Variants in CPNE4 observed in about 807,000 individuals in gnomAD.
The protein encoded by CPNE4 is copine-4.
A neutral mutation model predicts 67.9 loss-of-function variants in CPNE4; 25 were observed. That is an observed-to-expected ratio of 0.37 (90% CI 0.27 to 0.51). The LOEUF (loss-of-function observed/expected upper bound fraction) is 0.51, where lower values mean the gene tolerates loss of function less well. CPNE4 is among the 20% of genes least tolerant of loss of function. The pLI, the probability that CPNE4 is intolerant of heterozygous loss-of-function variation, is 0.93. For missense variants in CPNE4, 464 were observed against 690.8 expected (o/e 0.67, Z 3.68); for synonymous variants, 242 against 244.9 (o/e 0.99, Z 0.11).
chr3:131,698,635 G>T (rs1447627666), intron 4 of CPNE4, among the ~76,000 whole-genome samples: 6 of 150,888 alleles, frequency 4.0e-5, no homozygotes, highest in Non-Finnish European at 5.9e-5. Flanking sequence ...ATCAGGGCAG[G>T]GTGCAGTGGC....
chr3:131,952,452 A>G (rs867180629), intron 1 of CPNE4, among the ~76,000 whole-genome samples: 5 of 129,634 alleles, frequency 3.9e-5, no homozygotes, highest in East Asian at 2.6e-4. Flanking sequence ...CCCAGCAGCC[A>G]CCCCGTCCGG....
chr3:131,686,078 G>T, intron 5 of CPNE4, 120 bp from the exon 6 acceptor site: 1 of 626,196 alleles, frequency 1.6e-6, no homozygotes. Context: ...ATATGTGGAA[G>T]GGAGGCCATG....
intron 1 of CPNE4, among the ~76,000 whole-genome samples, chr3:131,934,111 G>A (rs2071150098): frequency 6.6e-6 from 1 of 152,156 alleles, no homozygotes; most frequent in South Asian, 2.1e-4. Context: ...AGGGTACAGA[G>A]ATGGAAATCA....
intron 2 of CPNE4, among the ~76,000 whole-genome samples, chr3:131,757,881 G>A (rs186637727): frequency 0.01 from 1,552 of 152,284 alleles, 9 homozygotes; most frequent in Non-Finnish European, 0.016. Context: ...GGCTTCAGAG[G>A]GTGGAAGCCC....
At chr3:131,579,241 G>GATGGCATCAC (rs1156832100) in intron 9 of CPNE4, among the ~76,000 whole-genome samples, 1 of 152,160 alleles carries the variant, frequency 6.6e-6, no homozygotes, top group Non-Finnish European at 1.5e-5. Flanking sequence ...GCAAAGCCTG[G>GATGGCATCAC]ATGGCATCAC....
chr3:131,723,706 T>C lies in CPNE4; in HGVS notation c.181-81A>G, dbSNP rs2081940228. The C allele has an allele frequency of 1.1e-5, 14 of 1,250,100 alleles. No homozygotes were observed. The South Asian group carries it at 2.0e-4, about 18-fold the overall frequency. 77.4% of individuals were successfully genotyped at this position (1,250,100 alleles called of 1,614,324 possible). ...TTCAAGAAAATTCATCTCAGAGCAC[T>C]TCCCTTCTTCCCAACCATAAATGCT... On this transcript the variant is annotated intron_variant, in intron 2 of 15. Transcript: ENST00000429747.
chr3:131,575,375 G>A (rs960594889), intron 9 of CPNE4, among the ~76,000 whole-genome samples: 2 of 152,136 alleles, frequency 1.3e-5, no homozygotes, highest in African/African-American at 4.8e-5. Flanking sequence ...TATGGTTTAT[G>A]CAAATTTTAA....
chr3:131,980,499 C>T (rs1221618517), intron 1 of CPNE4, among the ~76,000 whole-genome samples: 1 of 151,982 alleles, frequency 6.6e-6, no homozygotes, highest in African/African-American at 2.4e-5. Context: ...CTGAGACTTT[C>T]CAGAGCATTT....
At position 131,608,727 on chromosome 3, in the gene CPNE4, A is replaced by G. The variant is rs145225706; in HGVS notation, c.682-21145T>C. ...GTATATAAACAACCTTCATAAACCA[A>G]TGTGTGACTAGAAGGGTATAGTAAA... On this transcript the variant is annotated intron_variant, in intron 7 of 15. Transcript: ENST00000429747. 3.0e-3 allele frequency among the ~76,000 whole-genome samples: 462 copies of G among 152,268 alleles called. 4 individuals are homozygous for G. Among genetic ancestry groups the G allele is most frequent in the African/African-American group, 9.8e-3 (407 of 41,562 alleles).
At chr3:131,840,688 C>T (rs1560439456) in intron 2 of CPNE4, among the ~76,000 whole-genome samples, 1 of 152,074 alleles carries the variant, frequency 6.6e-6, no homozygotes, top group Non-Finnish European at 1.5e-5. Context: ...GTCCCCATAT[C>T]CCCATATAGG....
chr3:131,536,744 G>A (rs1935168027), intron 15 of CPNE4, among the ~76,000 whole-genome samples: 1 of 152,194 alleles, frequency 6.6e-6, no homozygotes, highest in East Asian at 1.9e-4. Flanking sequence ...ATGGACATTT[G>A]TGATCTACAG....
chr3:131,722,886 T>C (rs758573294), intron 3 of CPNE4, among the ~76,000 whole-genome samples: 1 of 152,248 alleles, frequency 6.6e-6, no homozygotes, highest in Middle Eastern at 3.2e-3. Context: ...ATCAAATCAC[T>C]TAACCTCTCT....
chr3:131,831,537 T>C (rs1396981617), intron 2 of CPNE4, among the ~76,000 whole-genome samples: 1 of 152,190 alleles, frequency 6.6e-6, no homozygotes. Flanking sequence ...TCTAGCAAGG[T>C]ACTATTGCTG....
chr3:131,918,043 C>T lies in CPNE4; in HGVS notation c.-1-12599G>A, dbSNP rs116627849. 8.9e-3 allele frequency among the ~76,000 whole-genome samples: 1,351 copies of T among 152,278 alleles called. 20 individuals are homozygous for T. Among genetic ancestry groups the T allele is most frequent in the African/African-American group, 0.03 (1,265 of 41,548 alleles). On this transcript the variant is annotated intron_variant, in intron 1 of 15. Transcript: ENST00000429747. Reference sequence around the variant, plus strand: ...ATTATGTGTCTGTCCCAGTGCTTCCCATAATACGATCAAATTTAATCCTTT... The same window carrying T: ...ATTATGTGTCTGTCCCAGTGCTTCCTATAATACGATCAAATTTAATCCTTT...
At chr3:131,600,078 G>T (rs536336437) in intron 7 of CPNE4, among the ~76,000 whole-genome samples, 36 of 152,194 alleles carry the variant, frequency 2.4e-4, no homozygotes, top group African/African-American at 8.2e-4. Context: ...GTGAAAGGAT[G>T]GTAGAAGTAC....
At chr3:131,601,711 G>A (rs1361116243) in intron 7 of CPNE4, among the ~76,000 whole-genome samples, 1 of 152,156 alleles carries the variant, frequency 6.6e-6, no homozygotes, top group African/African-American at 2.4e-5. Flanking sequence ...TTACATGATA[G>A]CCTGCACAGA....
chr3:131,609,478 T>A (rs539440260), intron 7 of CPNE4, among the ~76,000 whole-genome samples: 5 of 152,130 alleles, frequency 3.3e-5, no homozygotes, highest in Non-Finnish European at 1.5e-5. Context: ...GGTGTGAGAC[T>A]TTAGGCTTTA....
intron 1 of CPNE4, among the ~76,000 whole-genome samples, chr3:131,916,913 T>C (rs935300779): frequency 1.3e-5 from 2 of 152,214 alleles, no homozygotes; most frequent in Admixed American, 1.3e-4. Context: ...AGGACTCTTT[T>C]ATAAGATAAG....
At chr3:131,812,651 A>G (rs1175284717) in intron 2 of CPNE4, among the ~76,000 whole-genome samples, 1 of 152,230 alleles carries the variant, frequency 6.6e-6, no homozygotes, top group East Asian at 1.9e-4. Context: ...TTCATAACAC[A>G]TATTGAGCAT....
Sources: allele counts gnomAD v4.1 joint callset (sites outside exome capture counted in the v4.1 genomes callset), GRCh38; gene constraint gnomAD v4.1.1; transcripts MANE v1.5; gene names NCBI Gene and HGNC (gene_info 2026-07-23, HGNC 2026-07-21).